PRKCH: variants seen among roughly 807,000 people sequenced by gnomAD.
PRKCH encodes protein kinase C eta, also known as protein kinase C eta type.
In PRKCH, 28 loss-of-function variants were observed where a neutral mutation model predicts 82.5. That is an observed-to-expected ratio of 0.34 (90% CI 0.25 to 0.47). The LOEUF (loss-of-function observed/expected upper bound fraction) is 0.47. PRKCH is among the 20% of genes least tolerant of loss of function. The pLI, the probability that PRKCH is intolerant of heterozygous loss-of-function variation, is 1.00. For missense variants in PRKCH, 705 were observed against 881.8 expected, an observed-to-expected ratio of 0.80 and a Z score of 2.54; for synonymous variants, 322 against 327.4, an observed-to-expected ratio of 0.98 and a Z score of 0.18.
intron 10 of PRKCH, among the ~76,000 whole-genome samples, chr14:61,501,431 C>T (rs1402367756): frequency 6.6e-6 from 1 of 151,916 alleles, no homozygotes; most frequent in Non-Finnish European, 1.5e-5. Context: ...GATGTGTGCT[C>T]ATTTTAATCC....
At chr14:61,256,952 G>A (rs1485439111) in intron 1 of PRKCH, among the ~76,000 whole-genome samples, 1 of 152,168 alleles carries the variant, frequency 6.6e-6, no homozygotes, top group South Asian at 2.1e-4. Context: ...TTCCTTCACT[G>A]TGTTTATCTT....
intron 2 of PRKCH, among the ~76,000 whole-genome samples, chr14:61,411,928 A>C: frequency 6.6e-6 from 1 of 152,238 alleles, no homozygotes; most frequent in East Asian, 1.9e-4. Flanking sequence ...GGAAAACTTC[A>C]AGAGTCATGG....
intron 1 of PRKCH, among the ~76,000 whole-genome samples, chr14:61,225,019 T>C (rs1005889421): frequency 1.2e-4 from 18 of 152,218 alleles, no homozygotes; most frequent in Admixed American, 2.6e-4. Flanking sequence ...GCTTTTGCTC[T>C]GTCATTTTAA....
chr14:61,336,135 C>G (rs1407603664), intron 1 of PRKCH, among the ~76,000 whole-genome samples: 1 of 152,228 alleles, frequency 6.6e-6, no homozygotes, highest in South Asian at 2.1e-4. Flanking sequence ...ATTACCACCA[C>G]TCTACCCTCA....
At chr14:61,368,135 G>A (rs2046320910) in intron 1 of PRKCH, among the ~76,000 whole-genome samples, 2 of 151,980 alleles carry the variant, frequency 1.3e-5, no homozygotes, top group Admixed American at 1.3e-4. Flanking sequence ...AGTCAGAGGA[G>A]CCTCTGATTC....
At chr14:61,498,117 G>A (rs992306864) in intron 10 of PRKCH, among the ~76,000 whole-genome samples, 7 of 152,062 alleles carry the variant, frequency 4.6e-5, no homozygotes, top group African/African-American at 7.2e-5. Context: ...GGGCTCAAGC[G>A]ATTCTCCTGC....
intron 2 of PRKCH, among the ~76,000 whole-genome samples, chr14:61,391,984 G>C (rs1380400966): frequency 6.6e-6 from 1 of 152,144 alleles, no homozygotes; most frequent in African/African-American, 2.4e-5. Flanking sequence ...ACCTACCCTA[G>C]AAGTTCATAT....
chr14:61,481,825 T>A (rs951960983), intron 9 of PRKCH, among the ~76,000 whole-genome samples: 11 of 152,080 alleles, frequency 7.2e-5, no homozygotes, highest in Non-Finnish European at 1.3e-4. Flanking sequence ...AAATTGAAAA[T>A]ACCTACATGA....
rs542121322 is a variant in PRKCH, at chr14:61,274,702, A to G, written c.-19+87034A>G. ...AGCATCTGATGCTATTCTTGGAAGG[A>G]TGGGTTTGGAGAAGTGGCCAATGAA... On this transcript the variant is annotated intron_variant, in intron 1 of 3. Transcript: ENST00000555185. Among the ~76,000 whole-genome samples, 3 of 152,272 alleles carry G rather than the reference A, an allele frequency of 2.0e-5. No homozygotes were observed. In the East Asian group the frequency reaches 5.8e-4, roughly 29 times the overall value.
At chr14:61,542,149 G>T (rs1350676038) in intron 12 of PRKCH, among the ~76,000 whole-genome samples, 1 of 152,084 alleles carries the variant, frequency 6.6e-6, no homozygotes, top group Non-Finnish European at 1.5e-5. Context: ...AATTAGTCGG[G>T]CGTGGTGGTG....
intron 1 of PRKCH, among the ~76,000 whole-genome samples, chr14:61,249,404 T>C (rs149355339): frequency 0.012 from 1,756 of 152,146 alleles, 20 homozygotes; most frequent in Non-Finnish European, 0.021. Flanking sequence ...GGTGTCTGTT[T>C]TGTACACACT....
At chr14:61,511,655 T>G (rs1338530562) in intron 10 of PRKCH, among the ~76,000 whole-genome samples, 5 of 152,248 alleles carry the variant, frequency 3.3e-5, no homozygotes, top group African/African-American at 1.2e-4. Flanking sequence ...GCATAAATGC[T>G]TCTTGTGGAA....
intron 1 of PRKCH, among the ~76,000 whole-genome samples, chr14:61,287,234 AGAT>A (rs146652901): frequency 1.5e-5 from 2 of 135,026 alleles, no homozygotes; most frequent in African/African-American, 2.6e-5. Flanking sequence ...AAAAAAAAAA[AGAT>A]AAACCAGCAA....
intron 10 of PRKCH, among the ~76,000 whole-genome samples, chr14:61,502,269 G>C (rs1012094984): frequency 1.3e-5 from 2 of 151,788 alleles, no homozygotes; most frequent in African/African-American, 4.8e-5. Context: ...CACTATGTTG[G>C]CCAGGCTGGT....
intron 2 of PRKCH, among the ~76,000 whole-genome samples, chr14:61,396,350 T>G (rs915137053): frequency 4.6e-5 from 7 of 152,318 alleles, no homozygotes; most frequent in Admixed American, 6.5e-5. Context: ...TCATTAATTA[T>G]ACTGAATTAG....
chr14:61,493,048 G>T (rs113613383), intron 10 of PRKCH, among the ~76,000 whole-genome samples: 5,142 of 152,324 alleles, frequency 0.034, 105 homozygotes, highest in South Asian at 0.058. Flanking sequence ...GGAGGCATGG[G>T]AAGAGGGAAG....
At chr14:61,405,892 A>G (rs564884715) in intron 2 of PRKCH, among the ~76,000 whole-genome samples, 54 of 152,108 alleles carry the variant, frequency 3.6e-4, no homozygotes, top group Non-Finnish European at 5.9e-4. Context: ...TGCTTCCGTT[A>G]TGTGAGTCCT....
chr14:61,322,031 C>G lies in PRKCH; in HGVS notation c.-71C>G, dbSNP rs1424477854. 1 of 1,465,166 alleles carries G rather than the reference C, an allele frequency of 6.8e-7. No homozygotes were observed. The highest frequency in any genetic ancestry group is 2.5e-5 in the East Asian group (1 of 39,960). The allele number at this position is 1,465,166 out of a possible 1,614,324, so 90.8% of individuals were successfully genotyped here. A position where few individuals can be genotyped will look rare whatever the true frequency, so the allele number is the denominator to read the frequency against. ...TCCTGCACCTGTCCCGAGGGCTGGC[C>G]TGAGACGGGACTCCCGGTTCTCCCG... On this transcript the variant is annotated 5_prime_UTR_variant, in exon 1 of 14. Transcript: ENST00000332981.
chr14:61,209,993 C>T (rs1413837658), intron 1 of PRKCH, among the ~76,000 whole-genome samples: 4 of 151,266 alleles, frequency 2.6e-5, no homozygotes, highest in African/African-American at 9.7e-5. Context: ...AATCCCAGCA[C>T]TTTGGGAGGC....
Sources: gnomAD v4.1 joint callset for allele counts (sites outside exome capture counted in the v4.1 genomes callset) on GRCh38, gnomAD v4.1.1 for gene constraint, MANE v1.5 for transcripts, NCBI Gene and HGNC (gene_info 2026-07-23, HGNC 2026-07-21) for gene names.